Variants in VIPR2 observed in about 807,000 individuals in gnomAD.
VIPR2 encodes the protein vasoactive intestinal polypeptide receptor 2.
In VIPR2, 48 loss-of-function variants were observed where a neutral mutation model predicts 58.0. That is an observed-to-expected ratio of 0.83 (90% CI 0.66 to 1.05). The LOEUF is 1.05. VIPR2 is among the 50% of genes least tolerant of loss of function. The pLI is 0.00. For synonymous variants in VIPR2, 243 were observed against 235.2 expected (o/e 1.03, Z -0.30); for missense variants, 534 against 558.0 (o/e 0.96, Z 0.43).
chr7:159,103,008 G>A (rs779222309), intron 4 of VIPR2, among the ~76,000 whole-genome samples: 4 of 152,212 alleles, frequency 2.6e-5, no homozygotes, highest in African/African-American at 7.2e-5. Flanking sequence ...ACAGGCAGAC[G>A]TAGCACAGAG....
At chr7:159,073,449 G>T (rs554123263) in intron 4 of VIPR2, among the ~76,000 whole-genome samples, 1 of 152,286 alleles carries the variant, frequency 6.6e-6, no homozygotes, top group South Asian at 2.1e-4. Flanking sequence ...CAAGAGTCTT[G>T]CTCTGTCACC....
At chr7:159,071,326 G>A (rs1352901389) in intron 4 of VIPR2, among the ~76,000 whole-genome samples, 6 of 152,248 alleles carry the variant, frequency 3.9e-5, no homozygotes, top group African/African-American at 4.8e-5. Flanking sequence ...AACCTTCCCC[G>A]GCTCAGCCTC....
intron 4 of VIPR2, among the ~76,000 whole-genome samples, chr7:159,088,254 C>T (rs931128079): frequency 1.3e-5 from 2 of 152,234 alleles, no homozygotes; most frequent in Non-Finnish European, 2.9e-5. Context: ...CACACACATG[C>T]TGCAGCACAG....
intron 3 of VIPR2, 150 bp downstream of exon 3, chr7:159,109,662 T>TCACC (rs1438665429): frequency 6.1e-5 from 43 of 702,058 alleles, no homozygotes; most frequent in Non-Finnish European, 1.1e-4. Flanking sequence ...AGACGGGCAC[T>TCACC]CACCCCAATA....
intron 2 of VIPR2, among the ~76,000 whole-genome samples, chr7:159,134,089 T>A (rs915628923): frequency 6.6e-6 from 1 of 152,234 alleles, no homozygotes; most frequent in Non-Finnish European, 1.5e-5. Flanking sequence ...ATCTAGATCA[T>A]GCCCAAATAA....
At chr7:159,066,252 G>T (rs1416711799) in intron 4 of VIPR2, among the ~76,000 whole-genome samples, 1 of 151,958 alleles carries the variant, frequency 6.6e-6, no homozygotes, top group Non-Finnish European at 1.5e-5. Flanking sequence ...GGGATTCCAG[G>T]ATGCCTGTTC....
At chr7:159,100,987 A>G (rs1033682585) in intron 4 of VIPR2, among the ~76,000 whole-genome samples, 2 of 143,660 alleles carry the variant, frequency 1.4e-5, no homozygotes, top group Admixed American at 1.4e-4. Context: ...AACGGGTCTC[A>G]CGAGATCCGA....
At chr7:159,125,693 C>T (rs1796627482) in intron 2 of VIPR2, among the ~76,000 whole-genome samples, 1 of 152,202 alleles carries the variant, frequency 6.6e-6, no homozygotes. Context: ...TGATTTCCAT[C>T]CCTGCCTTAC....
intron 6 of VIPR2, among the ~76,000 whole-genome samples, chr7:159,042,264 C>G (rs115531685): frequency 1.3e-5 from 2 of 152,158 alleles, no homozygotes; most frequent in Non-Finnish European, 2.9e-5. Flanking sequence ...TAGCAAGGGT[C>G]TCTGGTTGAG....
rs921726451 is a variant in VIPR2, at chr7:159,098,192, A to AAGGGC, written c.357+5560_357+5564dup. ...AGCACAGAAGAGTTGTGATGGGATG[A>AAGGGC]AGGGCAGGGCAGGGCAGGGCCGGGT... is the stretch of plus-strand genomic sequence containing the variant. On this transcript the variant is annotated intron_variant, in intron 4 of 12. Transcript: ENST00000262178. The surrounding 1 kb of genome is among the most constrained non-coding windows in gnomAD (Gnocchi z 5.2). Among the ~76,000 whole-genome samples, 7 of 152,194 alleles carry AAGGGC rather than the reference A, an allele frequency of 4.6e-5. No individual in the cohort carries two copies. The highest frequency in any genetic ancestry group is 2.0e-4 in the Admixed American group (3 of 15,290).
chr7:159,060,860 T>G (rs747234543), intron 4 of VIPR2, among the ~76,000 whole-genome samples: 2 of 152,208 alleles, frequency 1.3e-5, no homozygotes, highest in African/African-American at 2.4e-5. Flanking sequence ...TCAAAGAACT[T>G]AGAACTACCA....
At chr7:159,136,331 G>C (rs1797226074) in intron 2 of VIPR2, among the ~76,000 whole-genome samples, 1 of 152,022 alleles carries the variant, frequency 6.6e-6, no homozygotes, top group African/African-American at 2.4e-5. Context: ...CACTTACGAG[G>C]GCAGAGCTTT....
At chr7:159,116,440 G>A (rs910503847) in intron 2 of VIPR2, among the ~76,000 whole-genome samples, 1 of 151,960 alleles carries the variant, frequency 6.6e-6, no homozygotes, top group Non-Finnish European at 1.5e-5. Context: ...AAAGCAAGTG[G>A]GCAGAGTGGG....
chr7:159,097,715 G>A lies in VIPR2; in HGVS notation c.357+6042C>T, dbSNP rs1456922119. Among the ~76,000 whole-genome samples the A allele has an allele frequency of 6.6e-6, 1 of 152,216 alleles. No individual in the cohort carries two copies. Among genetic ancestry groups the A allele is most frequent in the Non-Finnish European group, 1.5e-5 (1 of 68,034 alleles). On this transcript the variant is annotated intron_variant, in intron 4 of 12. Transcript: ENST00000262178. This position sits in a 1 kb window ranked among gnomAD's most constrained non-coding sequence, Gnocchi z 5.3. The stretch of plus-strand genomic sequence containing the variant: ...TTGTTTCAAGAAACAGGCTTGAAGA[G>A]GCACCTTTCAGAAGCTGAGCAGCAA...
intron 3 of VIPR2, among the ~76,000 whole-genome samples, chr7:159,108,324 CG>C (rs1202697325): frequency 6.6e-6 from 1 of 152,236 alleles, no homozygotes; most frequent in Non-Finnish European, 1.5e-5. Context: ...GAATTCCATG[CG>C]GACATTCCAT....
intron 2 of VIPR2, among the ~76,000 whole-genome samples, chr7:159,136,982 G>A (rs1268304064): frequency 1.3e-5 from 2 of 152,114 alleles, no homozygotes; most frequent in Non-Finnish European, 2.9e-5. Context: ...CAAGGGAGGG[G>A]AGTGGAGAAG....
chr7:159,097,026 G>A lies in VIPR2; in HGVS notation c.357+6731C>T. Reference sequence around the variant, plus strand: ...CTGCTGCTCTCAGAGGTGATTTGGGGCAGGCCGCTCTGGGGGTCTCTGGCA... The same window carrying A: ...CTGCTGCTCTCAGAGGTGATTTGGGACAGGCCGCTCTGGGGGTCTCTGGCA... On this transcript the variant is annotated intron_variant, in intron 4 of 12. Coordinates refer to ENST00000262178, the MANE Select transcript of VIPR2 (RefSeq NM_003382.5). The surrounding 1 kb of genome is among the most constrained non-coding windows in gnomAD (Gnocchi z 5.3). 6.5e-7 allele frequency: 1 copy of A among 1,550,332 alleles called. No homozygotes were observed. Among genetic ancestry groups the A allele is most frequent in the Non-Finnish European group, 8.7e-7 (1 of 1,146,842 alleles).
intron 5 of VIPR2, among the ~76,000 whole-genome samples, chr7:159,050,920 G>T (rs1450407165): frequency 1.3e-5 from 2 of 152,222 alleles, no homozygotes; most frequent in African/African-American, 4.8e-5. Context: ...TGGTGCACTG[G>T]CAGCTGACTT....
Position 159,097,371 on chromosome 7 carries a change from G to A in VIPR2, c.357+6386C>T, listed in dbSNP as rs547270659. ...TAAATTTAGCAGACGTGCTCTTTAT[G>A]TAAGAACGGAGTTAACCAGTATGTA... On this transcript the variant is annotated intron_variant, in intron 4 of 12. Coordinates refer to ENST00000262178, the MANE Select transcript of VIPR2 (RefSeq NM_003382.5). The surrounding 1 kb of genome is among the most constrained non-coding windows in gnomAD (Gnocchi z 5.3). Among the ~76,000 whole-genome samples, 9 of 152,344 alleles carry A rather than the reference G, an allele frequency of 5.9e-5. No individual in the cohort carries two copies. The highest frequency in any genetic ancestry group is 2.1e-4 in the South Asian group (1 of 4,826).
Sources: allele counts gnomAD v4.1 joint callset (sites outside exome capture counted in the v4.1 genomes callset), GRCh38; gene constraint gnomAD v4.1.1; non-coding constraint Gnocchi (gnomAD v3.1); transcripts MANE v1.5; gene names NCBI Gene and HGNC (gene_info 2026-07-23, HGNC 2026-07-21).